Variants in UBE2L3 observed in about 807,000 individuals in gnomAD.
UBE2L3 encodes the protein ubiquitin-conjugating enzyme E2 L3.
Under a neutral mutation model 17.8 loss-of-function variants are expected in UBE2L3, and 1 was observed. The ratio of observed to expected loss-of-function variants is 0.06; its 90% CI spans 0.02 to 0.27. UBE2L3 has a LOEUF of 0.27. UBE2L3 is among the 10% of genes least tolerant of loss of function. The pLI is 1.00. For missense variants in UBE2L3, 40 were observed against 192.6 expected (o/e 0.21, Z 4.69); for synonymous variants, 44 against 68.5 (o/e 0.64, Z 1.76).
intron 2 of UBE2L3, 123 bp downstream of exon 2, chr22:21,593,079 T>C (rs534344255): frequency 2.1e-4 from 163 of 783,792 alleles, no homozygotes; most frequent in Middle Eastern, 4.6e-4. Context: ...TGCACAGAAG[T>C]GGCTGTCGCT....
At chr22:21,619,093 T>TAAA (rs1929922979) in intron 3 of UBE2L3, among the ~76,000 whole-genome samples, 1 of 152,148 alleles carries the variant, frequency 6.6e-6, no homozygotes, top group Non-Finnish European at 1.5e-5. Context: ...AGCCACCTAT[T>TAAA]TGTGCTCTTA....
At chr22:21,604,653 C>T (rs530720778) in intron 2 of UBE2L3, among the ~76,000 whole-genome samples, 1 of 152,118 alleles carries the variant, frequency 6.6e-6, no homozygotes, top group Non-Finnish European at 1.5e-5. Context: ...TCTGAGTGGC[C>T]TTCCCAAAGG....
chr22:21,614,497 G>A (rs1262622623), intron 3 of UBE2L3: 60 of 1,114,170 alleles, frequency 5.4e-5, no homozygotes, highest in Non-Finnish European at 6.8e-5. Context: ...ATCTTCCAGC[G>A]CTCTTCCTTT....
chr22:21,562,380 T>C (rs1926471117), intron 1 of UBE2L3, among the ~76,000 whole-genome samples: 1 of 148,874 alleles, frequency 6.7e-6, no homozygotes, highest in Non-Finnish European at 1.5e-5. Flanking sequence ...TTTTTTCTTT[T>C]TTTTTTTTTG....
chr22:21,610,108 A>T (rs1161380601), intron 2 of UBE2L3, among the ~76,000 whole-genome samples: 1 of 152,210 alleles, frequency 6.6e-6, no homozygotes, highest in African/African-American at 2.4e-5. Context: ...TCAAGGTGCC[A>T]ACAGATTCAG....
intron 3 of UBE2L3, 105 bp from the exon 4 acceptor site, chr22:21,621,405 AGCTGT>A: frequency 7.4e-7 from 1 of 1,347,744 alleles, no homozygotes; most frequent in South Asian, 1.6e-5. Context: ...AAAGCACATT[AGCTGT>A]AAATCAGTTG....
chr22:21,604,430 G>A (rs1201773406), intron 2 of UBE2L3, among the ~76,000 whole-genome samples: 2 of 152,134 alleles, frequency 1.3e-5, no homozygotes, highest in Non-Finnish European at 1.5e-5. Flanking sequence ...GAACCCGGGA[G>A]GCGGAGGTTG....
intron 1 of UBE2L3, among the ~76,000 whole-genome samples, chr22:21,558,424 A>T (rs1271212252): frequency 2.0e-5 from 3 of 152,366 alleles, no homozygotes; most frequent in South Asian, 4.1e-4. Flanking sequence ...CGAGGTCAGG[A>T]GATCGAGACC....
At chr22:21,595,215 G>A (rs933532487) in intron 2 of UBE2L3, among the ~76,000 whole-genome samples, 1 of 152,232 alleles carries the variant, frequency 6.6e-6, no homozygotes, top group African/African-American at 2.4e-5. Context: ...TTGTCCCTGT[G>A]TATACCACTT....
intron 1 of UBE2L3, among the ~76,000 whole-genome samples, chr22:21,580,096 C>G (rs994375121): frequency 1.3e-5 from 2 of 152,196 alleles, no homozygotes; most frequent in African/African-American, 2.4e-5. Flanking sequence ...CCAGAGCAAG[C>G]TAAGCCCTCC....
At chr22:21,570,334 A>G (rs1341509620) in intron 1 of UBE2L3, among the ~76,000 whole-genome samples, 1 of 152,182 alleles carries the variant, frequency 6.6e-6, no homozygotes, top group Non-Finnish European at 1.5e-5. Flanking sequence ...CAGACCTTGG[A>G]AAAAAATTGT....
At chr22:21,597,775 ATTTTTTTTTTTTTTT>A (rs35054754) in intron 2 of UBE2L3, among the ~76,000 whole-genome samples, 5 of 25,554 alleles carry the variant, frequency 2.0e-4, no homozygotes, top group African/African-American at 3.1e-4. Flanking sequence ...TTATATGTAG[ATTTTTTTTTTTTTTT>A]TTTTTTTTTT....
intron 1 of UBE2L3, among the ~76,000 whole-genome samples, chr22:21,584,825 G>T (rs1402566453): frequency 6.6e-6 from 1 of 152,040 alleles, no homozygotes; most frequent in African/African-American, 2.4e-5. Flanking sequence ...GCTGGGCATG[G>T]TGGTGCGTGC....
At chr22:21,608,824 C>T (rs1049963542) in intron 2 of UBE2L3, among the ~76,000 whole-genome samples, 15 of 145,326 alleles carry the variant, frequency 1.0e-4, no homozygotes, top group Non-Finnish European at 1.8e-4. Context: ...TCAAGTGATC[C>T]TCCCTCCCTG....
chr22:21,602,818 G>A (rs1343079951), intron 2 of UBE2L3, among the ~76,000 whole-genome samples: 3 of 152,186 alleles, frequency 2.0e-5, no homozygotes, highest in East Asian at 1.9e-4. Flanking sequence ...AGTTCCCCTC[G>A]TCCCCGCATC....
intron 1 of UBE2L3, among the ~76,000 whole-genome samples, chr22:21,571,789 T>C (rs979989238): frequency 1.3e-5 from 2 of 152,160 alleles, no homozygotes; most frequent in African/African-American, 4.8e-5. Flanking sequence ...CCTCTAAAAG[T>C]TCATTCCTTG....
At chr22:21,594,286 A>T (rs556815038) in intron 2 of UBE2L3, among the ~76,000 whole-genome samples, 1 of 151,530 alleles carries the variant, frequency 6.6e-6, no homozygotes, top group East Asian at 2.0e-4. Context: ...CTTCTTCCTG[A>T]TGCTGGTTAT....
intron 3 of UBE2L3, among the ~76,000 whole-genome samples, chr22:21,617,256 G>A (rs1446635804): frequency 6.6e-6 from 1 of 151,832 alleles, no homozygotes; most frequent in East Asian, 1.9e-4. Context: ...TTTGTTGTGT[G>A]GGTTTTTTGT....
intron 1 of UBE2L3, among the ~76,000 whole-genome samples, chr22:21,589,440 C>G (rs1416678053): frequency 6.6e-6 from 1 of 152,224 alleles, no homozygotes; most frequent in East Asian, 1.9e-4. Flanking sequence ...AACCACTGCG[C>G]CCGGCATGAT....
Sources: allele counts gnomAD v4.1 joint callset (sites outside exome capture counted in the v4.1 genomes callset), GRCh38; gene constraint gnomAD v4.1.1; transcripts MANE v1.5; gene names NCBI Gene and HGNC (gene_info 2026-07-23, HGNC 2026-07-21).